The following SMYD3 variants were observed in gnomAD, a reference collection of about 807,000 sequenced individuals.
The protein encoded by SMYD3 is histone-lysine N-methyltransferase SMYD3.
SMYD3 carries 36 observed loss-of-function variants against 57.7 expected under a neutral mutation model. The observed-to-expected ratio is 0.62, with a 90% CI of 0.48 to 0.82. SMYD3 has a LOEUF of 0.82. Among genes scored for constraint, SMYD3 ranks in the 40% least tolerant of loss-of-function variants. SMYD3 has a pLI of 0.00. For missense variants in SMYD3, 515 were observed against 538.8 expected, an observed-to-expected ratio of 0.96 and a Z score of 0.44; for synonymous variants, 211 against 195.0, an observed-to-expected ratio of 1.08 and a Z score of -0.68.
chr1:246,074,783 C>T (rs933948728), intron 5 of SMYD3, among the ~76,000 whole-genome samples: 1 of 152,140 alleles, frequency 6.6e-6, no homozygotes, highest in African/African-American at 2.4e-5. Flanking sequence ...CTACTATCCA[C>T]ATGCATTGAG....
At chr1:246,462,786 GAATT>G (rs2067822317) in intron 1 of SMYD3, among the ~76,000 whole-genome samples, 1 of 152,042 alleles carries the variant, frequency 6.6e-6, no homozygotes, top group Admixed American at 6.6e-5. Flanking sequence ...TAAGAAATGA[GAATT>G]AAGAAACATT....
intron 5 of SMYD3, among the ~76,000 whole-genome samples, chr1:246,146,273 C>A: frequency 6.6e-6 from 1 of 152,154 alleles, no homozygotes; most frequent in Admixed American, 6.5e-5. Flanking sequence ...CAGCTTATGA[C>A]CTTTTCTTAA....
chr1:246,370,411 T>C (rs2066175031), intron 1 of SMYD3, among the ~76,000 whole-genome samples: 1 of 152,160 alleles, frequency 6.6e-6, no homozygotes, highest in South Asian at 2.1e-4. Context: ...TGGCAGAGAA[T>C]GGTAGGACTA....
chr1:246,377,673 T>G (rs930470267), intron 1 of SMYD3, among the ~76,000 whole-genome samples: 2 of 152,162 alleles, frequency 1.3e-5, no homozygotes, highest in Non-Finnish European at 2.9e-5. Context: ...CCAACCATAA[T>G]TCTGAATTAT....
chr1:246,432,803 T>TA (rs2067317382), intron 1 of SMYD3, among the ~76,000 whole-genome samples: 1 of 152,224 alleles, frequency 6.6e-6, no homozygotes, highest in East Asian at 1.9e-4. Flanking sequence ...CTTTTTTTAA[T>TA]AAGTTTTCAG....
intron 5 of SMYD3, among the ~76,000 whole-genome samples, chr1:246,314,539 C>T (rs902891966): frequency 6.6e-6 from 1 of 152,104 alleles, no homozygotes; most frequent in Non-Finnish European, 1.5e-5. Context: ...CAAAGGAGTG[C>T]GGCACTAGGA....
At chr1:246,289,659 T>C (rs2064646128) in intron 5 of SMYD3, among the ~76,000 whole-genome samples, 1 of 152,216 alleles carries the variant, frequency 6.6e-6, no homozygotes, top group Non-Finnish European at 1.5e-5. Context: ...TTTTATAAGA[T>C]AATTCGACTG....
intron 5 of SMYD3, chr1:246,186,974 C>G: frequency 1.0e-6 from 1 of 970,348 alleles, no homozygotes. Flanking sequence ...TGAGGAAACA[C>G]GAAAGAAGAA....
At chr1:245,903,873 C>T (rs1041727953) in intron 8 of SMYD3, among the ~76,000 whole-genome samples, 2 of 152,148 alleles carry the variant, frequency 1.3e-5, no homozygotes, top group African/African-American at 4.8e-5. Flanking sequence ...CCATTTTTTA[C>T]CTCCTAGGCC....
intron 5 of SMYD3, among the ~76,000 whole-genome samples, chr1:246,072,500 T>C (rs2060475446): frequency 6.6e-6 from 1 of 152,240 alleles, no homozygotes; most frequent in African/African-American, 2.4e-5. Flanking sequence ...TCTTATCTTG[T>C]GGTTGTCTTC....
chr1:246,225,212 C>A (rs2063310141), intron 5 of SMYD3, among the ~76,000 whole-genome samples: 2 of 150,708 alleles, frequency 1.3e-5, no homozygotes, highest in Admixed American at 1.3e-4. Context: ...GCATCAACAG[C>A]CGTCAAAAGA....
chr1:246,351,190 T>C (rs1034707568), intron 2 of SMYD3, among the ~76,000 whole-genome samples: 3 of 152,206 alleles, frequency 2.0e-5, no homozygotes, highest in East Asian at 1.9e-4. Flanking sequence ...TAATTATCAA[T>C]ATAAAATAGA....
At chr1:246,327,151 G>C in intron 5 of SMYD3, 50 bp downstream of exon 5, 1 of 1,609,624 alleles carries the variant, frequency 6.2e-7, no homozygotes, top group Non-Finnish European at 8.5e-7. Flanking sequence ...ACAAAATAAG[G>C]AGCAAATGGT....
intron 6 of SMYD3, among the ~76,000 whole-genome samples, chr1:245,928,685 A>G (rs1200408463): frequency 1.3e-5 from 2 of 152,176 alleles, no homozygotes; most frequent in East Asian, 3.8e-4. Flanking sequence ...AAAAAAAAAA[A>G]TACTCAGACA....
At chr1:245,983,696 G>C (rs1558558216) in intron 5 of SMYD3, among the ~76,000 whole-genome samples, 1 of 152,112 alleles carries the variant, frequency 6.6e-6, no homozygotes, top group Non-Finnish European at 1.5e-5. Context: ...TCTCCTGAAA[G>C]TATCCAAAGA....
chr1:246,167,829 G>A (rs755901087), intron 5 of SMYD3, among the ~76,000 whole-genome samples: 6 of 152,104 alleles, frequency 3.9e-5, no homozygotes, highest in Non-Finnish European at 7.4e-5. Context: ...GTTTTGATTT[G>A]CATTTCCTTA....
intron 1 of SMYD3, among the ~76,000 whole-genome samples, chr1:246,502,351 T>G (rs1224901665): frequency 6.6e-6 from 1 of 152,018 alleles, no homozygotes; most frequent in Non-Finnish European, 1.5e-5. Context: ...AGGCTCATCT[T>G]GAACTTATGG....
At chr1:245,806,719 G>C (rs1372328180) in intron 10 of SMYD3, among the ~76,000 whole-genome samples, 1 of 151,442 alleles carries the variant, frequency 6.6e-6, no homozygotes, top group Non-Finnish European at 1.5e-5. Flanking sequence ...GACCATCCTG[G>C]CTAACAAGGT....
intron 5 of SMYD3, among the ~76,000 whole-genome samples, chr1:245,970,047 C>T (rs539099209): frequency 1.3e-5 from 2 of 152,306 alleles, no homozygotes; most frequent in South Asian, 4.1e-4. Flanking sequence ...CATCATGCTA[C>T]CTGACTTCAA....
Sources: allele counts gnomAD v4.1 joint callset (sites outside exome capture counted in the v4.1 genomes callset), GRCh38; gene constraint gnomAD v4.1.1; transcripts MANE v1.5; gene names NCBI Gene and HGNC (gene_info 2026-07-23, HGNC 2026-07-21).